PPARGC1A: variants seen among roughly 807,000 people sequenced by gnomAD.
The protein encoded by PPARGC1A is PPARG coactivator 1 alpha.
Under a neutral mutation model 88.7 loss-of-function variants are expected in PPARGC1A, and 25 were observed. The ratio of observed to expected loss-of-function variants is 0.28; its 90% CI spans 0.21 to 0.39. PPARGC1A has a LOEUF of 0.39. Among genes scored for constraint, PPARGC1A ranks in the 10% least tolerant of loss-of-function variants. The pLI is 1.00. For missense variants in PPARGC1A, 880 were observed against 968.7 expected (o/e 0.91, Z 1.22); for synonymous variants, 363 against 355.6 (o/e 1.02, Z -0.24).
the PPARGC1A span, among the ~76,000 whole-genome samples, chr4:24,152,627 T>G: frequency 6.6e-6 from 1 of 152,238 alleles, no homozygotes. Context: ...TAGTATTATT[T>G]AGTCATAGCT....
chr4:24,079,299 A>G, the PPARGC1A span, among the ~76,000 whole-genome samples: 1 of 152,064 alleles, frequency 6.6e-6, no homozygotes, highest in Non-Finnish European at 1.5e-5. Flanking sequence ...CATCACCAAC[A>G]GTATCATTTC....
chr4:23,850,222 T>C (rs548221480), intron 2 of PPARGC1A, among the ~76,000 whole-genome samples: 31 of 152,194 alleles, frequency 2.0e-4, no homozygotes, highest in Non-Finnish European at 4.1e-4. Context: ...CCTAATGCTA[T>C]CTTTGAAATA....
chr4:24,297,003 G>C, the PPARGC1A span, among the ~76,000 whole-genome samples: 2 of 152,232 alleles, frequency 1.3e-5, no homozygotes, highest in Admixed American at 1.3e-4. Context: ...AGGTAATGGA[G>C]AGGAAGAAGA....
At chr4:24,384,103 T>G in the PPARGC1A span, among the ~76,000 whole-genome samples, 52,301 of 151,986 alleles carry the variant, frequency 0.34, 10,303 homozygotes, top group East Asian at 0.44. Context: ...AAAAGAATTT[T>G]CAACCCAGAA....
chr4:24,304,307 CTTG>C, the PPARGC1A span, among the ~76,000 whole-genome samples: 1 of 152,180 alleles, frequency 6.6e-6, no homozygotes, highest in South Asian at 2.1e-4. Context: ...CTTGTTATAA[CTTG>C]TTAAGAGACT....
chr4:23,873,536 G>A (rs1039861436), intron 2 of PPARGC1A, among the ~76,000 whole-genome samples: 8 of 152,126 alleles, frequency 5.3e-5, no homozygotes, highest in African/African-American at 7.2e-5. Context: ...GAGTTTCTCC[G>A]TAGCTACCGG....
At chr4:23,811,973 C>T (rs190835310) in intron 10 of PPARGC1A, among the ~76,000 whole-genome samples, 212 of 126,340 alleles carry the variant, frequency 1.7e-3, no homozygotes, top group Middle Eastern at 0.011. Flanking sequence ...GCTGGAGTTC[C>T]GTGGTGCGAT....
At chr4:24,031,671 C>A in the PPARGC1A span, among the ~76,000 whole-genome samples, 1 of 152,180 alleles carries the variant, frequency 6.6e-6, no homozygotes, top group Admixed American at 6.5e-5. Context: ...CCCTGGACTC[C>A]ATCCACTAGA....
the PPARGC1A span, among the ~76,000 whole-genome samples, chr4:23,914,914 T>A: frequency 6.6e-6 from 1 of 152,228 alleles, no homozygotes; most frequent in Non-Finnish European, 1.5e-5. Context: ...GTATTTGTCA[T>A]CAATTAACAG....
the PPARGC1A span, among the ~76,000 whole-genome samples, chr4:23,937,588 AT>A: frequency 2.0e-5 from 3 of 152,100 alleles, no homozygotes; most frequent in South Asian, 2.1e-4. Context: ...TCCTTTCAAC[AT>A]TTTTTTTCCT....
chr4:23,953,474 A>T, the PPARGC1A span, among the ~76,000 whole-genome samples: 1 of 152,114 alleles, frequency 6.6e-6, no homozygotes, highest in Non-Finnish European at 1.5e-5. Flanking sequence ...ACCATACAGG[A>T]TGCAGTCTGC....
chr4:24,146,519 A>G, the PPARGC1A span, among the ~76,000 whole-genome samples: 2 of 152,146 alleles, frequency 1.3e-5, no homozygotes, highest in South Asian at 2.1e-4. Flanking sequence ...GACCAGGGGC[A>G]CCTCGGTCTG....
chr4:24,419,925 T>A, the PPARGC1A span, among the ~76,000 whole-genome samples: 1 of 152,350 alleles, frequency 6.6e-6, no homozygotes, highest in African/African-American at 2.4e-5. Context: ...ACCTTGTGTA[T>A]TTTAAAGTCT....
the PPARGC1A span, among the ~76,000 whole-genome samples, chr4:24,344,881 T>A: frequency 6.6e-6 from 1 of 152,198 alleles, no homozygotes; most frequent in Non-Finnish European, 1.5e-5. Flanking sequence ...ATTTTTATAA[T>A]TTCAGGTTTT....
rs2109277583 is a variant in PPARGC1A, at chr4:23,792,509, G to T, written c.*3313C>A. 1 of 151,340 alleles carries T rather than the reference G, an allele frequency of 6.6e-6. No homozygotes were observed. The allele number at this position is 151,340 out of a possible 1,614,324, so 9.4% of individuals were successfully genotyped here. ...CCCAATAGTGCAAAGTTCCCTCTCT[G>T]CTGCTTTGAATGTTGACAGCCCAAC... On this transcript the variant is annotated 3_prime_UTR_variant, in exon 13 of 13. Transcript: ENST00000264867.
chr4:23,799,123 C>T (rs142283884), intron 12 of PPARGC1A, among the ~76,000 whole-genome samples: 318 of 152,168 alleles, frequency 2.1e-3, no homozygotes, highest in African/African-American at 7.0e-3. Flanking sequence ...GCTCCTAACC[C>T]CTGAGTCCAG....
chr4:24,180,563 G>A, the PPARGC1A span, among the ~76,000 whole-genome samples: 2 of 152,112 alleles, frequency 1.3e-5, no homozygotes, highest in African/African-American at 4.8e-5. Flanking sequence ...AATTTTATCG[G>A]TCACTTACTT....
chr4:23,908,979 C>T (rs1720405122), upstream of PPARGC1A, among the ~76,000 whole-genome samples: 1 of 152,210 alleles, frequency 6.6e-6, no homozygotes, highest in Non-Finnish European at 1.5e-5. Flanking sequence ...TTGCTGTCTT[C>T]TCTGAAGCTG....
the PPARGC1A span, among the ~76,000 whole-genome samples, chr4:23,960,672 C>T: frequency 6.6e-6 from 1 of 152,254 alleles, no homozygotes; most frequent in South Asian, 2.1e-4. Context: ...TCATCTGGAA[C>T]TGTGTGATGT....
Sources: allele counts gnomAD v4.1 joint callset (sites outside exome capture counted in the v4.1 genomes callset), GRCh38; gene constraint gnomAD v4.1.1; transcripts MANE v1.5; gene names NCBI Gene and HGNC (gene_info 2026-07-23, HGNC 2026-07-21).